The following ZNF362 variants were observed in gnomAD, a reference collection of about 807,000 sequenced individuals.
ZNF362 encodes zinc finger protein 362.
ZNF362 carries 11 observed loss-of-function variants against 42.9 expected under a neutral mutation model. That is an observed-to-expected ratio of 0.26 (90% confidence interval 0.16 to 0.42). The LOEUF (loss-of-function observed/expected upper bound fraction) is 0.42. ZNF362 is among the 20% of genes least tolerant of loss of function. The pLI, the probability that ZNF362 is intolerant of heterozygous loss-of-function variation, is 1.00. For missense variants in ZNF362, 362 were observed against 576.2 expected (o/e 0.63, Z 3.81); for synonymous variants, 255 against 257.3 (o/e 0.99, Z 0.09).
At chr1:33,188,954 C>T in the ZNF362 span, among the ~76,000 whole-genome samples, 4 of 152,224 alleles carry the variant, frequency 2.6e-5, no homozygotes, top group Admixed American at 6.5e-5. Context: ...CCCAGACCTC[C>T]TTAACTGCAA....
At chr1:33,295,698 C>T (rs1277564448) in intron 8 of ZNF362, among the ~76,000 whole-genome samples, 1 of 152,218 alleles carries the variant, frequency 6.6e-6, no homozygotes, top group African/African-American at 2.4e-5. Context: ...TAGCCACCCT[C>T]ATCTCAGGAA....
chr1:33,160,803 C>G, the ZNF362 span, among the ~76,000 whole-genome samples: 1 of 152,196 alleles, frequency 6.6e-6, no homozygotes, highest in East Asian at 1.9e-4. Context: ...TAAATTGCAA[C>G]GTATTGAGAA....
rs77467901 is a variant in ZNF362 at position 33,273,257 on chromosome 1, C to A, written c.38+2645C>A. Among the ~76,000 whole-genome samples, 166 of 152,370 alleles carry A rather than the reference C, an allele frequency of 1.1e-3. 1 individual carries two copies. The East Asian group carries it at 0.027, about 25-fold the overall frequency. On this transcript the variant is annotated intron_variant, in intron 2 of 8. Transcript: ENST00000539719. ...TAGGTAGATACCAGGACTAGGGTCA[C>A]TGACTGAATCATTAAATTACTTAGA...
rs776504622 is a variant in ZNF362 at position 33,297,511 on chromosome 1, C to CTTTTTTTTTTT, written c.1147-1418_1147-1417insTTTTTTTTTTT. 3.0e-4 allele frequency among the ~76,000 whole-genome samples: 24 copies of CTTTTTTTTTTT among 78,860 alleles called. 1 individual carries two copies. Among genetic ancestry groups the CTTTTTTTTTTT allele is most frequent in the South Asian group, 4.7e-4 (1 of 2,122 alleles). 51.7% of individuals were successfully genotyped at this position (78,860 alleles called of 152,430 possible). ...ATGATTTGGTGTATTTACATGATTC[C>CTTTTTTTTTTT]TCTTTTTTTTTTTTTTTTTGAGACG... is the stretch of plus-strand genomic sequence containing the variant. On this transcript the variant is annotated intron_variant, in intron 8 of 8. Coordinates refer to ENST00000539719, the MANE Select transcript of ZNF362 (RefSeq NM_152493.3).
the ZNF362 span, among the ~76,000 whole-genome samples, chr1:33,218,939 AC>A: frequency 1.0e-4 from 1 of 9,972 alleles, no homozygotes; most frequent in Non-Finnish European, 2.9e-4. Context: ...ACATACACAC[AC>A]ACACACACAC....
At chr1:33,193,399 C>T in the ZNF362 span, among the ~76,000 whole-genome samples, 7 of 152,172 alleles carry the variant, frequency 4.6e-5, no homozygotes, top group African/African-American at 1.7e-4. Context: ...GATTCTCCTC[C>T]ACAATGCAGG....
chr1:33,245,007 G>A, the ZNF362 span, among the ~76,000 whole-genome samples: 1 of 152,294 alleles, frequency 6.6e-6, no homozygotes, highest in Non-Finnish European at 1.5e-5. Flanking sequence ...TTTTTGTCAG[G>A]TGCACAGGGT....
At chr1:33,244,558 A>G in the ZNF362 span, among the ~76,000 whole-genome samples, 4 of 152,212 alleles carry the variant, frequency 2.6e-5, no homozygotes, top group Non-Finnish European at 5.9e-5. This position sits in a 1 kb window ranked among gnomAD's most constrained non-coding sequence, Gnocchi z 4.0. Context: ...TCAGAATCCT[A>G]TCTCACCATG....
chr1:33,189,659 A>ACT, the ZNF362 span, among the ~76,000 whole-genome samples: 1 of 24,036 alleles, frequency 4.2e-5, no homozygotes, highest in Non-Finnish European at 1.3e-4. Flanking sequence ...ATATATATAT[A>ACT]TATATATATA....
At chr1:33,219,995 G>C in the ZNF362 span, among the ~76,000 whole-genome samples, 1 of 152,320 alleles carries the variant, frequency 6.6e-6, no homozygotes, top group Non-Finnish European at 1.5e-5. Flanking sequence ...GAGGCCCCTG[G>C]CTCAGAAGGG....
At chr1:33,242,792 C>A in the ZNF362 span, among the ~76,000 whole-genome samples, 1 of 152,174 alleles carries the variant, frequency 6.6e-6, no homozygotes, top group South Asian at 2.1e-4. Flanking sequence ...TATGCTGCAA[C>A]CAGAAAAATG....
chr1:33,193,004 C>CACATAT, the ZNF362 span, among the ~76,000 whole-genome samples: 435 of 137,282 alleles, frequency 3.2e-3, 14 homozygotes, highest in East Asian at 0.077. Flanking sequence ...CACACACACA[C>CACATAT]ATATATATAT....
chr1:33,239,395 A>T, the ZNF362 span, among the ~76,000 whole-genome samples: 1 of 152,324 alleles, frequency 6.6e-6, no homozygotes, highest in East Asian at 1.9e-4. Context: ...TTAATAATAC[A>T]TAGTGGTACA....
At chr1:33,144,899 G>A in the ZNF362 span, among the ~76,000 whole-genome samples, 1 of 152,220 alleles carries the variant, frequency 6.6e-6, no homozygotes, top group African/African-American at 2.4e-5. Flanking sequence ...GGCAGCTGGG[G>A]GGATAGGGTA....
rs1645865871 is a variant in ZNF362, at chr1:33,266,513, T to C, written c.-88-3974T>C. ...ATAACAGGGTAGCCCAATTCCTATG[T>C]GGGAAACGTCAAAAGTGACCTTTAA... On this transcript the variant is annotated intron_variant, in intron 1 of 8. Transcript: ENST00000539719. This position sits in a 1 kb window ranked among gnomAD's most constrained non-coding sequence, Gnocchi z 4.3. Among the ~76,000 whole-genome samples, 1 of 152,136 alleles carries C rather than the reference T, an allele frequency of 6.6e-6. No individual in the cohort carries two copies. Among genetic ancestry groups the C allele is most frequent in the South Asian group, 2.1e-4 (1 of 4,820 alleles).
At chr1:33,181,579 C>G in the ZNF362 span, 1 of 1,367,724 alleles carries the variant, frequency 7.3e-7, no homozygotes, top group Non-Finnish European at 9.5e-7. This position sits in a 1 kb window ranked among gnomAD's most constrained non-coding sequence, Gnocchi z 6.5. Flanking sequence ...GGAGGGGGTG[C>G]TGTCCGGAAG....
intron 2 of ZNF362, among the ~76,000 whole-genome samples, chr1:33,273,301 C>T (rs1194179519): frequency 6.6e-6 from 1 of 152,222 alleles, no homozygotes; most frequent in Non-Finnish European, 1.5e-5. Flanking sequence ...GAAAATGATG[C>T]AGAGAAATCA....
the ZNF362 span, chr1:33,142,069 A>T: frequency 6.6e-6 from 1 of 152,154 alleles, no homozygotes; most frequent in Admixed American, 6.5e-5. Context: ...CCGTGTCCTG[A>T]TGGGCAGTGA....
At chr1:33,245,393 G>A in the ZNF362 span, among the ~76,000 whole-genome samples, 1 of 151,976 alleles carries the variant, frequency 6.6e-6, no homozygotes, top group Non-Finnish European at 1.5e-5. Context: ...GCATATACGA[G>A]GGATTTTTTT....
Sources: gnomAD v4.1 joint callset for allele counts (sites outside exome capture counted in the v4.1 genomes callset) on GRCh38, gnomAD v4.1.1 for gene constraint, Gnocchi (gnomAD v3.1) non-coding constraint, MANE v1.5 for transcripts, NCBI Gene and HGNC (gene_info 2026-07-23, HGNC 2026-07-21) for gene names.